SEMA3A: variants seen among roughly 807,000 people sequenced by gnomAD.
SEMA3A encodes the protein semaphorin 3A.
In SEMA3A, 29 loss-of-function variants were observed where a neutral mutation model predicts 97.9. That is an observed-to-expected ratio of 0.30 (90% confidence interval 0.22 to 0.40). SEMA3A has a LOEUF of 0.40. Ranked by LOEUF, SEMA3A falls within the 10% of genes least tolerant of loss-of-function variation. The probability of loss-of-function intolerance (pLI) is 1.00; values close to 1 mark genes in which losing one functional copy is unlikely to be tolerated. For synonymous variants in SEMA3A, 321 were observed against 323.7 expected, an observed-to-expected ratio of 0.99 and a Z score of 0.09; for missense variants, 763 against 951.3, an observed-to-expected ratio of 0.80 and a Z score of 2.60.
At chr7:84,041,609 T>G (rs935867691) in intron 6 of SEMA3A, among the ~76,000 whole-genome samples, 1 of 152,158 alleles carries the variant, frequency 6.6e-6, no homozygotes, top group Admixed American at 6.6e-5. Flanking sequence ...CCAGAATTGC[T>G]AGCTAATGCA....
At chr7:84,281,742 T>C (rs911182610) in intron 3 of SEMA3A, among the ~76,000 whole-genome samples, 1 of 152,116 alleles carries the variant, frequency 6.6e-6, no homozygotes, top group Non-Finnish European at 1.5e-5. Context: ...CAATCTTGAG[T>C]GTTTTACTTA....
chr7:84,343,026 C>T (rs536279170), intron 2 of SEMA3A, among the ~76,000 whole-genome samples: 2 of 152,294 alleles, frequency 1.3e-5, no homozygotes, highest in East Asian at 1.9e-4. Context: ...GAAATGTACA[C>T]TTTCATTTAA....
chr7:84,153,333 T>C (rs1468381304), intron 1 of SEMA3A, among the ~76,000 whole-genome samples: 1 of 152,170 alleles, frequency 6.6e-6, no homozygotes, highest in Non-Finnish European at 1.5e-5. Context: ...ATCATCTTTG[T>C]AGACATCAAA....
chr7:83,988,135 C>T (rs1011852840), intron 12 of SEMA3A, among the ~76,000 whole-genome samples: 2 of 152,272 alleles, frequency 1.3e-5, no homozygotes, highest in East Asian at 3.9e-4. Context: ...CCACTCCTAA[C>T]ATATTTACTG....
intron 2 of SEMA3A, among the ~76,000 whole-genome samples, chr7:84,357,658 G>T (rs940406204): frequency 1.2e-3 from 186 of 152,010 alleles, no homozygotes; most frequent in African/African-American, 4.2e-3. Flanking sequence ...CCCAGTAATG[G>T]GATGGCTGGG....
intron 2 of SEMA3A, among the ~76,000 whole-genome samples, chr7:84,346,024 T>G (rs937595068): frequency 7.9e-5 from 12 of 152,226 alleles, no homozygotes; most frequent in Admixed American, 1.3e-4. Context: ...TCAGTGATCT[T>G]AGCTAGACAT....
rs1468531621 is a variant in SEMA3A at position 84,253,736 on chromosome 7, TG to T, written c.-83+53470del. Reference sequence around the variant, plus strand: ...TGTAAGAGAGAAAGATAAAGATACCTGGAAATGACTTCTGTGGAGAATTGCA... The same window carrying T: ...TGTAAGAGAGAAAGATAAAGATACCTGAAATGACTTCTGTGGAGAATTGCA... On this transcript the variant is annotated intron_variant, in intron 3 of 3. Transcript: ENST00000424555. 2.0e-5 allele frequency among the ~76,000 whole-genome samples: 3 copies of T among 152,090 alleles called. No individual in the cohort carries two copies. The East Asian group carries it at 5.8e-4, about 29-fold the overall frequency.
chr7:84,354,514 G>A (rs1802511040), intron 2 of SEMA3A, among the ~76,000 whole-genome samples: 1 of 151,242 alleles, frequency 6.6e-6, no homozygotes, highest in African/African-American at 2.4e-5. Flanking sequence ...ATTATTTTAG[G>A]AGAATTTTCA....
chr7:84,232,233 T>TTA (rs1287697361), intron 3 of SEMA3A, among the ~76,000 whole-genome samples: 4 of 148,178 alleles, frequency 2.7e-5, no homozygotes, highest in African/African-American at 7.4e-5. Flanking sequence ...ATTCCACAAA[T>TTA]TATATATATA....
chr7:84,237,032 T>G (rs2116370217), intron 3 of SEMA3A, among the ~76,000 whole-genome samples: 1 of 152,172 alleles, frequency 6.6e-6, no homozygotes, highest in Admixed American at 6.6e-5. Flanking sequence ...GAAGTTAAAC[T>G]TACATTCTAA....
chr7:84,478,527 A>T (rs1356251427), intron 1 of SEMA3A, among the ~76,000 whole-genome samples: 1 of 152,086 alleles, frequency 6.6e-6, no homozygotes, highest in Non-Finnish European at 1.5e-5. Context: ...ATTAACATGA[A>T]ATTTTGTTTC....
chr7:84,423,839 A>C (rs944213594), intron 1 of SEMA3A, among the ~76,000 whole-genome samples: 5 of 152,052 alleles, frequency 3.3e-5, no homozygotes, highest in Non-Finnish European at 1.5e-5. Context: ...AAAAGTGGGC[A>C]AATGACATAA....
intron 2 of SEMA3A, among the ~76,000 whole-genome samples, chr7:84,352,524 C>CAAAAAA (rs1562915457): frequency 6.6e-6 from 1 of 151,276 alleles, no homozygotes; most frequent in Non-Finnish European, 1.5e-5. Context: ...ACTATGTACC[C>CAAAAAA]ATAAAAATAA....
chr7:84,275,406 C>A (rs951943550), intron 3 of SEMA3A, among the ~76,000 whole-genome samples: 3 of 152,006 alleles, frequency 2.0e-5, no homozygotes, highest in African/African-American at 7.2e-5. Context: ...ACTTTTAAGA[C>A]AAAATTAATA....
At chr7:84,474,416 T>C (rs1806227588) in intron 1 of SEMA3A, among the ~76,000 whole-genome samples, 1 of 152,166 alleles carries the variant, frequency 6.6e-6, no homozygotes, top group Admixed American at 6.5e-5. Flanking sequence ...GTTCCCTCCT[T>C]TGACAGTATG....
intron 1 of SEMA3A, among the ~76,000 whole-genome samples, chr7:84,430,864 ATT>A (rs1191393937): frequency 1.3e-5 from 2 of 151,448 alleles, no homozygotes; most frequent in Non-Finnish European, 3.0e-5. Flanking sequence ...TTAGACCAGC[ATT>A]TAGTTTTGGC....
chr7:84,449,756 C>G (rs1805511810), intron 1 of SEMA3A, among the ~76,000 whole-genome samples: 1 of 152,126 alleles, frequency 6.6e-6, no homozygotes. Context: ...ACCATGTCCT[C>G]TGGCAATCGT....
At chr7:84,023,565 G>A (rs1437206975) in intron 6 of SEMA3A, among the ~76,000 whole-genome samples, 4 of 152,096 alleles carry the variant, frequency 2.6e-5, no homozygotes, top group Non-Finnish European at 5.9e-5. Flanking sequence ...TTCATAACAC[G>A]AACCACTCAG....
intron 6 of SEMA3A, among the ~76,000 whole-genome samples, chr7:84,028,771 A>G (rs1419675883): frequency 2.0e-5 from 3 of 151,392 alleles, no homozygotes; most frequent in Non-Finnish European, 4.4e-5. Flanking sequence ...CCCCCTGCTA[A>G]TTTTTATTTT....
Sources: gnomAD v4.1 joint callset for allele counts (sites outside exome capture counted in the v4.1 genomes callset) on GRCh38, gnomAD v4.1.1 for gene constraint, MANE v1.5 for transcripts, NCBI Gene and HGNC (gene_info 2026-07-23, HGNC 2026-07-21) for gene names.